Variants in MUC12 observed in about 807,000 individuals in gnomAD.
MUC12 encodes the protein mucin-12.
A neutral mutation model predicts 230.8 loss-of-function variants in MUC12; 172 were observed. That is an observed-to-expected ratio of 0.75 (90% CI 0.66 to 0.85). The LOEUF is 0.85. Among genes scored for constraint, MUC12 ranks in the 40% least tolerant of loss-of-function variants. The pLI is 0.00. For missense variants in MUC12, 3,506 were observed against 5,920.6 expected, an observed-to-expected ratio of 0.59 and a Z score of 13.38; for synonymous variants, 1,259 against 2,401.9, an observed-to-expected ratio of 0.52 and a Z score of 13.91.
In MUC12 at chr7:100,994,046, C is replaced by G. The variant is rs1307588559; in HGVS notation, c.3483C>G (p.Tyr1161Ter). ...TCAGTGAGGAATCTACCACCGTCTA[C>G]AGCAGCAGCCGAGGCTCAACTGAAA... ...PGLSEESTTV[Y>*]SSSRGSTETT... The change falls in exon 2 of 12, where the codon TAC (tyrosine) becomes TAG (stop). Residue 1161 changes from tyrosine to a stop codon, truncating the protein, a stop_gained. Coordinates refer to ENST00000536621, the MANE Select transcript of MUC12 (RefSeq NM_001164462.2). LOFTEE classifies it high-confidence loss of function. 3 of 1,022,582 alleles carry G rather than the reference C, an allele frequency of 2.9e-6. No individual in the cohort carries two copies. Among genetic ancestry groups the G allele is most frequent in the Non-Finnish European group, 2.6e-6 (2 of 757,750 alleles). 63.3% of individuals were successfully genotyped at this position (1,022,582 alleles called of 1,614,324 possible). A position where few individuals can be genotyped will look rare whatever the true frequency, so the allele number is the denominator to read the frequency against.
At chr7:100,975,249 A>C (rs1175897139) in intron 1 of MUC12, among the ~76,000 whole-genome samples, 1 of 152,298 alleles carries the variant, frequency 6.6e-6, no homozygotes, top group East Asian at 1.9e-4. Flanking sequence ...GTTCCTAATA[A>C]GGGTCGAGGA....
In MUC12 at chr7:101,005,336, A is replaced by G; in HGVS notation, c.14773A>G (p.Thr4925Ala). 1 of 1,537,928 alleles carries G rather than the reference A, an allele frequency of 6.5e-7. No individual in the cohort carries two copies. The highest frequency in any genetic ancestry group is 8.7e-7 in the Non-Finnish European group (1 of 1,147,054). The stretch of plus-strand genomic sequence containing the variant: ...AACAACACCCTTACCTGCCCGCTCC[A>G]CAGCCTCAGACCTTGTTGGAGAACC... ...TGTTPLPARS[T>A]ASDLVGEPTT... Residue 4925 changes from threonine (T) to alanine (A), a missense_variant, in exon 2 of 12, where the codon ACA (threonine) becomes GCA (alanine). Thr to Ala is a moderately conservative substitution (Grantham distance 58). Transcript: ENST00000536621.
chr7:100,991,127 C>A lies in MUC12; in HGVS notation c.564C>A (p.Gly188=), dbSNP rs577415446. The A allele has an allele frequency of 1.2e-5, 18 of 1,537,802 alleles. No individual in the cohort carries two copies. In the African/African-American group the frequency reaches 2.5e-4, roughly 21 times the overall value. The change falls in exon 2 of 12, where the codon GGC becomes GGA. Residue 188 remains glycine (G), a synonymous_variant. Coordinates refer to ENST00000536621, the MANE Select transcript of MUC12 (RefSeq NM_001164462.2). ...TCCCTGACAGTACCACCATGCCAGGCGTCAGTCAGGAATCTACAGCTTCCC... is the reference window on the plus strand; with the variant it reads ...TCCCTGACAGTACCACCATGCCAGGAGTCAGTCAGGAATCTACAGCTTCCC... ...IAFPDSTTMP[G]VSQESTASHS... is the part of the protein sequence containing the mutation.
In MUC12 at chr7:100,992,332, C is replaced by A. The variant is rs759205251; in HGVS notation, c.1769C>A (p.Thr590Lys). ...FHSRPGSTETTLLPDNTTASG... is the reference protein window; with the variant it reads ...FHSRPGSTETKLLPDNTTASG... ...AGCCGCCCAGGCTCCACTGAAACAA[C>A]ACTCTTACCTGACAACACCACAGCC... Residue 590 changes from threonine (T) to lysine (K), a missense_variant, in exon 2 of 12, where the codon ACA (threonine) becomes AAA (lysine). Physicochemically the swap from Thr to Lys is moderately conservative, Grantham distance 78. Transcript: ENST00000536621. The A allele has an allele frequency of 6.4e-5, 98 of 1,536,658 alleles. No homozygotes were observed. Among genetic ancestry groups the A allele is most frequent in the Non-Finnish European group, 7.2e-5 (82 of 1,146,094 alleles).
intron 1 of MUC12, among the ~76,000 whole-genome samples, chr7:100,971,783 A>C (rs1251064463): frequency 6.6e-6 from 1 of 152,310 alleles, no homozygotes; most frequent in Non-Finnish European, 1.5e-5. Flanking sequence ...CTGGCCTAGC[A>C]GATCTCTGTA....
At chr7:100,985,627 A>C (rs1793175576) in intron 1 of MUC12, among the ~76,000 whole-genome samples, 1 of 152,128 alleles carries the variant, frequency 6.6e-6, no homozygotes, top group Non-Finnish European at 1.5e-5. Context: ...CAGTTATGTG[A>C]GATCTCTTTC....
chr7:101,012,627 G>A (rs1050233678), intron 6 of MUC12, among the ~76,000 whole-genome samples, 180 bp downstream of exon 6: 4 of 151,978 alleles, frequency 2.6e-5, no homozygotes, highest in African/African-American at 4.8e-5. Flanking sequence ...CCCCCTCTCG[G>A]TCCCAGGCTG....
rs1333648557 is a variant in MUC12, at chr7:100,992,418, CTGTCCCCT to C, written c.1856_1863del (p.Leu619ArgfsTer15). On this transcript the variant is annotated frameshift_variant, in exon 2 of 12. Coordinates refer to ENST00000536621, the MANE Select transcript of MUC12 (RefSeq NM_001164462.2). LOFTEE classifies it high-confidence loss of function. ...CAGCACCAGATCGCCACACACAACA[CTGTCCCCT>C]GCCGGCTCTACAACCCGTCAGGGAG... The C allele has an allele frequency of 2.6e-6, 4 of 1,537,614 alleles. No individual in the cohort carries two copies. In the African/African-American group the frequency reaches 5.5e-5, roughly 21 times the overall value.
chr7:100,981,391 G>A, intron 1 of MUC12: 1 of 647,578 alleles, frequency 1.5e-6, no homozygotes, highest in Non-Finnish European at 2.8e-6. Context: ...CCTGGGCTTG[G>A]TGGAGTTTGC....
chr7:100,972,947 G>C lies in MUC12; in HGVS notation c.67+3258G>C, dbSNP rs953603039. The C allele has an allele frequency of 7.1e-6, 5 of 703,084 alleles. No individual in the cohort carries two copies. The East Asian group carries it at 1.1e-4, about 15-fold the overall frequency. 43.6% of individuals were successfully genotyped at this position (703,084 alleles called of 1,614,324 possible). On this transcript the variant is annotated intron_variant, in intron 1 of 11. Transcript: ENST00000536621. The stretch of plus-strand genomic sequence containing the variant: ...AGAAGGCAGAAAAATCATTTCCACA[G>C]GTCTGCAGGGGAGCTACGGTGCAGG...
chr7:100,982,432 T>C (rs147494565), intron 1 of MUC12, among the ~76,000 whole-genome samples: 28 of 147,274 alleles, frequency 1.9e-4, no homozygotes, highest in African/African-American at 6.8e-4. Flanking sequence ...TCATTTTTCT[T>C]TTCTTTTCTT....
intron 1 of MUC12, among the ~76,000 whole-genome samples, chr7:100,983,985 C>A (rs1193063405): frequency 6.6e-6 from 1 of 152,150 alleles, no homozygotes; most frequent in Non-Finnish European, 1.5e-5. Flanking sequence ...CTGCATTGAG[C>A]CCTGCCCTGC....
At chr7:100,983,315 G>C (rs2116282585) in intron 1 of MUC12, among the ~76,000 whole-genome samples, 1 of 151,976 alleles carries the variant, frequency 6.6e-6, no homozygotes, top group Admixed American at 6.6e-5. Context: ...AGCAACTTGG[G>C]AGGCTGAGGC....
intron 10 of MUC12, among the ~76,000 whole-genome samples, chr7:101,016,371 A>G (rs1244855425): frequency 3.9e-5 from 6 of 152,030 alleles, no homozygotes; most frequent in African/African-American, 1.4e-4. Flanking sequence ...CAGTGGCACA[A>G]TCTTGGCTCA....
rs1792910677 is a variant in MUC12 at position 100,971,977 on chromosome 7, T to C, written c.67+2288T>C. ...TCAAAGATAACACAGGTGAATCCCTTAGTGTGCAAAACAGTCAGAAAAACA... is the reference window on the plus strand; with the variant it reads ...TCAAAGATAACACAGGTGAATCCCTCAGTGTGCAAAACAGTCAGAAAAACA... On this transcript the variant is annotated intron_variant, in intron 1 of 11. Coordinates refer to ENST00000536621, the MANE Select transcript of MUC12 (RefSeq NM_001164462.2). 4.4e-6 allele frequency: 3 copies of C among 686,786 alleles called. No individual in the cohort carries two copies. The South Asian group carries it at 4.6e-5, about 10-fold the overall frequency. The allele number at this position is 686,786 out of a possible 1,614,324, so 42.5% of individuals were successfully genotyped here.
At chr7:101,017,321 C>T (rs896439621) in intron 10 of MUC12, 12 of 457,046 alleles carry the variant, frequency 2.6e-5, no homozygotes, top group Non-Finnish European at 4.7e-5. Flanking sequence ...CTCCGTGGCC[C>T]CCGCTTCCAC....
rs565248009 is a variant in MUC12 at position 100,970,920 on chromosome 7, C to A, written c.67+1231C>A. ...GCTGAGGCAGGAGAATGGCGTGAACCCGGGAGGCGGAGCCTGCAGTGAGCC... is the reference window on the plus strand; with the variant it reads ...GCTGAGGCAGGAGAATGGCGTGAACACGGGAGGCGGAGCCTGCAGTGAGCC... On this transcript the variant is annotated intron_variant, in intron 1 of 11. Transcript: ENST00000536621. Among the ~76,000 whole-genome samples, 73 of 152,126 alleles carry A rather than the reference C, an allele frequency of 4.8e-4. 1 individual carries two copies. The highest frequency in any genetic ancestry group is 3.3e-3 in the South Asian group (16 of 4,816).
chr7:101,014,280 A>G lies in MUC12; in HGVS notation c.15800+206A>G, dbSNP rs773754972. ...GGATACATCAATTTGGCAGTGTTTT[A>G]GTCCATTTTGTGCTATTATAACAGA... On this transcript the variant is annotated intron_variant, in intron 9 of 11. Coordinates refer to ENST00000536621, the MANE Select transcript of MUC12 (RefSeq NM_001164462.2). 3.4e-5 allele frequency: 17 copies of G among 494,384 alleles called. 1 individual carries two copies. The highest frequency in any genetic ancestry group is 2.3e-4 in the Admixed American group (6 of 26,014). 30.6% of individuals were successfully genotyped at this position (494,384 alleles called of 1,614,324 possible). A position where few individuals can be genotyped will look rare whatever the true frequency, so the allele number is the denominator to read the frequency against.
At chr7:100,970,768 T>G (rs1167198101) in intron 1 of MUC12, among the ~76,000 whole-genome samples, 2 of 150,170 alleles carry the variant, frequency 1.3e-5, no homozygotes, top group African/African-American at 4.9e-5. Context: ...GAGGCCGAGG[T>G]GGGCGGATCA....
Sources: gnomAD v4.1 joint callset for allele counts (sites outside exome capture counted in the v4.1 genomes callset) on GRCh38, gnomAD v4.1.1 for gene constraint, MANE v1.5 for transcripts, NCBI Gene and HGNC (gene_info 2026-07-23, HGNC 2026-07-21) for gene names.